The following SLC14A2 variants were observed in gnomAD, a reference collection of about 807,000 sequenced individuals.
SLC14A2 encodes the protein solute carrier family 14 member 2.
SLC14A2 carries 91 observed loss-of-function variants against 104.6 expected under a neutral mutation model. The observed-to-expected ratio is 0.87, with a 90% CI of 0.73 to 1.04. The LOEUF (loss-of-function observed/expected upper bound fraction) is 1.04, where lower values mean the gene tolerates loss of function less well. Among genes scored for constraint, SLC14A2 ranks in the 50% least tolerant of loss-of-function variants. The probability of loss-of-function intolerance (pLI) is 0.00; values close to 1 mark genes in which losing one functional copy is unlikely to be tolerated. For synonymous variants in SLC14A2, 476 were observed against 466.4 expected, an observed-to-expected ratio of 1.02 and a Z score of -0.27; for missense variants, 1,189 against 1,156.0, an observed-to-expected ratio of 1.03 and a Z score of -0.41.
At chr18:45,216,864 G>T (rs765454637) in intron 1 of SLC14A2, among the ~76,000 whole-genome samples, 82 of 152,224 alleles carry the variant, frequency 5.4e-4, no homozygotes, top group African/African-American at 1.9e-3. Flanking sequence ...TTATCCTGGG[G>T]ACATCCACAC....
chr18:45,660,463 A>C (rs2045919814), intron 10 of SLC14A2, among the ~76,000 whole-genome samples: 2 of 152,178 alleles, frequency 1.3e-5, no homozygotes, highest in South Asian at 4.1e-4. Flanking sequence ...GAACACTGCA[A>C]ATTTATTTTC....
intron 2 of SLC14A2, among the ~76,000 whole-genome samples, chr18:45,598,446 C>A (rs771357692): frequency 2.0e-5 from 3 of 152,166 alleles, no homozygotes; most frequent in Non-Finnish European, 2.9e-5. Context: ...GACGGCGCTG[C>A]ATTATGACTG....
At chr18:45,438,128 T>C (rs1275408676) in intron 1 of SLC14A2, 1 of 152,200 alleles carries the variant, frequency 6.6e-6, no homozygotes, top group African/African-American at 2.4e-5. Flanking sequence ...TTTCAGTAAG[T>C]ATACAATGTA....
intron 2 of SLC14A2, among the ~76,000 whole-genome samples, chr18:45,546,950 A>G (rs1477159118): frequency 6.6e-6 from 1 of 152,188 alleles, no homozygotes; most frequent in Non-Finnish European, 1.5e-5. Flanking sequence ...TGGAAGGCAT[A>G]GGAAACACAT....
intron 1 of SLC14A2, among the ~76,000 whole-genome samples, chr18:45,417,030 A>G (rs1248292639): frequency 6.6e-6 from 1 of 152,194 alleles, no homozygotes; most frequent in African/African-American, 2.4e-5. Context: ...TGGACCCTAG[A>G]AAGAAAATAA....
intron 1 of SLC14A2, among the ~76,000 whole-genome samples, chr18:45,262,067 CTGT>C: frequency 6.6e-6 from 1 of 152,282 alleles, no homozygotes; most frequent in East Asian, 1.9e-4. Flanking sequence ...TCTCCAGCAC[CTGT>C]TGTTTCCTGA....
intron 1 of SLC14A2, among the ~76,000 whole-genome samples, chr18:45,282,470 T>G (rs993570285): frequency 3.9e-5 from 6 of 152,178 alleles, no homozygotes; most frequent in Admixed American, 6.5e-5. Flanking sequence ...TGCCCCCTAC[T>G]TTTGAAACTG....
chr18:45,346,980 A>AAAAT (rs760123026), intron 1 of SLC14A2, among the ~76,000 whole-genome samples: 3,136 of 111,260 alleles, frequency 0.028, 41 homozygotes, highest in African/African-American at 0.07. Flanking sequence ...AATAAAAATA[A>AAAAT]AAATAAATAA....
intron 1 of SLC14A2, among the ~76,000 whole-genome samples, chr18:45,329,474 G>A (rs901737955): frequency 2.0e-5 from 3 of 152,150 alleles, no homozygotes; most frequent in Non-Finnish European, 2.9e-5. Flanking sequence ...TGTGTCCCAG[G>A]GAAGCTTCCA....
chr18:45,388,383 G>A (rs1407939280), intron 1 of SLC14A2, among the ~76,000 whole-genome samples: 2 of 151,998 alleles, frequency 1.3e-5, no homozygotes, highest in East Asian at 3.9e-4. Context: ...AAATAAACCA[G>A]GCACCTGAAA....
At chr18:45,600,026 G>GT (rs1257178538) in intron 2 of SLC14A2, among the ~76,000 whole-genome samples, 1 of 152,008 alleles carries the variant, frequency 6.6e-6, no homozygotes, top group African/African-American at 2.4e-5. Flanking sequence ...AACAATATCA[G>GT]AGCCCTTCTC....
chr18:45,414,965 A>G (rs1054658876), intron 1 of SLC14A2, among the ~76,000 whole-genome samples: 3 of 151,576 alleles, frequency 2.0e-5, no homozygotes, highest in Non-Finnish European at 4.4e-5. Context: ...GAAAGTCTAC[A>G]TGTTTAACCT....
At chr18:45,647,947 A>G (rs1482420802) in intron 10 of SLC14A2, 2 of 152,092 alleles carry the variant, frequency 1.3e-5, no homozygotes, top group East Asian at 3.8e-4. Flanking sequence ...ATACATATTA[A>G]ATTGATTTGT....
chr18:45,628,360 C>CT (rs111582032), intron 4 of SLC14A2, among the ~76,000 whole-genome samples: 4,130 of 151,664 alleles, frequency 0.027, 186 homozygotes, highest in African/African-American at 0.093. Context: ...AGGAGAATTG[C>CT]TTGAACCCGG....
At chr18:45,439,677 C>T (rs2086652393) in intron 1 of SLC14A2, among the ~76,000 whole-genome samples, 1 of 152,090 alleles carries the variant, frequency 6.6e-6, no homozygotes, top group South Asian at 2.1e-4. Context: ...TAAGGAAAAA[C>T]ACGAAAAAGA....
Position 45,624,551 on chromosome 18 carries a change from T to G in SLC14A2, c.-34-80T>G, listed in dbSNP as rs566593794. 459 of 1,052,632 alleles carry G rather than the reference T, an allele frequency of 4.4e-4. 1 individual carries two copies. Among genetic ancestry groups the G allele is most frequent in the Non-Finnish European group, 6.1e-4 (444 of 723,124 alleles). 65.2% of individuals were successfully genotyped at this position (1,052,632 alleles called of 1,614,324 possible). On this transcript the variant is annotated intron_variant, in intron 1 of 19. Coordinates refer to ENST00000255226, the MANE Select transcript of SLC14A2 (RefSeq NM_007163.4). ...CACTGTCCAACCCCCAGGACAGACC[T>G]GAGGTCTGAGTCCAGCCTCAGCCAA...
At chr18:45,568,353 A>G (rs1483303356) in intron 2 of SLC14A2, among the ~76,000 whole-genome samples, 2 of 152,186 alleles carry the variant, frequency 1.3e-5, no homozygotes, top group Non-Finnish European at 2.9e-5. Flanking sequence ...CCCATATAGC[A>G]TCTCCACCAG....
At chr18:45,419,010 C>T (rs1338539240) in intron 1 of SLC14A2, among the ~76,000 whole-genome samples, 2 of 152,084 alleles carry the variant, frequency 1.3e-5, no homozygotes, top group Admixed American at 6.5e-5. Flanking sequence ...GCTGAAGCAC[C>T]AAAGATACTG....
intron 2 of SLC14A2, among the ~76,000 whole-genome samples, chr18:45,505,338 C>A (rs1394290803): frequency 1.3e-5 from 2 of 152,110 alleles, no homozygotes; most frequent in Non-Finnish European, 1.5e-5. Flanking sequence ...CTTTTTCCAC[C>A]AAGACTGCCT....
Sources: gnomAD v4.1 joint callset for allele counts (sites outside exome capture counted in the v4.1 genomes callset) on GRCh38, gnomAD v4.1.1 for gene constraint, MANE v1.5 for transcripts, NCBI Gene and HGNC (gene_info 2026-07-23, HGNC 2026-07-21) for gene names.